MPP4: variants seen among roughly 807,000 people sequenced by gnomAD.
The protein encoded by MPP4 is MAGUK p55 subfamily member 4.
MPP4 carries 91 observed loss-of-function variants against 98.3 expected under a neutral mutation model. The ratio of observed to expected loss-of-function variants is 0.93; its 90% CI spans 0.78 to 1.10. MPP4 has a LOEUF of 1.10. MPP4 is among the 50% of genes least tolerant of loss of function. The probability of loss-of-function intolerance (pLI) is 0.00; values close to 1 mark genes in which losing one functional copy is unlikely to be tolerated. For missense variants in MPP4, 744 were observed against 792.9 expected, an observed-to-expected ratio of 0.94 and a Z score of 0.74; for synonymous variants, 261 against 271.8, an observed-to-expected ratio of 0.96 and a Z score of 0.39.
At chr2:201,669,654 T>G (rs938026363) in intron 12 of MPP4, 79 bp downstream of exon 12, 2 of 1,017,548 alleles carry the variant, frequency 2.0e-6, no homozygotes, top group African/African-American at 3.3e-5. Context: ...TGAACTGAAT[T>G]AAAGTGAATT....
chr2:201,672,010 C>T (rs1407289720), intron 11 of MPP4, among the ~76,000 whole-genome samples: 1 of 152,094 alleles, frequency 6.6e-6, no homozygotes, highest in East Asian at 1.9e-4. Flanking sequence ...GTAAAACATT[C>T]CTCAGCAAAT....
chr2:201,669,117 TGTGTGAGA>T (rs765439598), intron 12 of MPP4, among the ~76,000 whole-genome samples: 16 of 96,154 alleles, frequency 1.7e-4, no homozygotes, highest in East Asian at 3.1e-4. Context: ...TGTGTGTGTG[TGTGTGAGA>T]GAGAGAGAGA....
At chr2:201,676,920 A>C (rs1418514161) in intron 10 of MPP4, among the ~76,000 whole-genome samples, 1 of 152,222 alleles carries the variant, frequency 6.6e-6, no homozygotes, top group Admixed American at 6.5e-5. Flanking sequence ...ACATTTAAAA[A>C]GTAAGGCTTC....
rs369705514 is a variant in MPP4 at position 201,650,127 on chromosome 2, G to A, written c.1420C>T (p.Arg474Cys). 25 of 1,580,446 alleles carry A rather than the reference G, an allele frequency of 1.6e-5. No homozygotes were observed. The highest frequency in any genetic ancestry group is 1.7e-4 in the Middle Eastern group (1 of 6,046). The part of the protein sequence containing the change: ...RTKKSYEMNG[R>C]EYHYVSKETF... ...TCCTTGGACACATAGTGATACTCAC[G>A]CCCATTCATTTCGTAACTCTTTTTA... The change falls in exon 19 of 22, where the codon CGT becomes TGT. Residue 474 changes from arginine to cysteine, a missense_variant. Arg to Cys is a radical substitution (Grantham distance 180). Transcript: ENST00000409474.
At chr2:201,655,833 G>T (rs1687831552) in intron 17 of MPP4, among the ~76,000 whole-genome samples, 1 of 152,144 alleles carries the variant, frequency 6.6e-6, no homozygotes, top group Admixed American at 6.5e-5. Flanking sequence ...TCAGGGAAAT[G>T]GACCTTAAGA....
At chr2:201,651,669 T>C in intron 18 of MPP4, 6 of 985,372 alleles carry the variant, frequency 6.1e-6, no homozygotes, top group African/African-American at 1.7e-5. Flanking sequence ...AAATGGTGAT[T>C]TTGGCCGGGC....
chr2:201,651,552 A>C, intron 18 of MPP4: 1 of 985,426 alleles, frequency 1.0e-6, no homozygotes. Context: ...TTTAAAAAGC[A>C]AAATATGAGC....
chr2:201,678,830 C>T (rs1024613424), intron 10 of MPP4, among the ~76,000 whole-genome samples: 1 of 152,078 alleles, frequency 6.6e-6, no homozygotes, highest in Non-Finnish European at 1.5e-5. Flanking sequence ...TGGTAGCCAT[C>T]GCCAGCTCAC....
chr2:201,693,535 T>C (rs1176282080), intron 2 of MPP4, among the ~76,000 whole-genome samples: 1 of 152,184 alleles, frequency 6.6e-6, no homozygotes, highest in East Asian at 1.9e-4. Flanking sequence ...GATTAAAGGG[T>C]CTCTAAACAG....
At chr2:201,683,193 G>A (rs1206191333) in intron 7 of MPP4, among the ~76,000 whole-genome samples, 2 of 152,150 alleles carry the variant, frequency 1.3e-5, no homozygotes, top group African/African-American at 4.8e-5. Context: ...GAACCAGAAC[G>A]CTGGTAAGAA....
At chr2:201,668,277 C>T (rs537475980) in intron 12 of MPP4, among the ~76,000 whole-genome samples, 61 of 152,142 alleles carry the variant, frequency 4.0e-4, no homozygotes, top group Admixed American at 1.7e-3. Flanking sequence ...AATTGTGTTC[C>T]CCCCAGTATT....
rs1222875367 is a variant in MPP4 at position 201,675,250 on chromosome 2, C to T, written c.951G>A (p.Trp317Ter). 1.2e-6 allele frequency: 2 copies of T among 1,609,530 alleles called. No individual in the cohort carries two copies. Among genetic ancestry groups the T allele is most frequent in the Admixed American group, 1.7e-5 (1 of 59,484 alleles). The change falls in exon 11 of 22, where the codon TGG becomes TGA. Residue 317 changes from tryptophan (W) to a stop codon, truncating the protein, a stop_gained. Coordinates refer to ENST00000409474, the MANE Select transcript of MPP4 (RefSeq NM_033066.3). LOFTEE classifies it high-confidence loss of function. ...LLKRKQREFW[W>*]SQPYQPHTCL... is the part of the protein sequence containing the mutation. ...AGGTGTGAGGCTGGTACGGCTGAGA[C>T]CACCAGAATTCCCGTTGCTTCCTAT... is the stretch of plus-strand genomic sequence containing the variant.
At chr2:201,678,834 A>AGCTCACTCCT (rs1688590091) in intron 10 of MPP4, among the ~76,000 whole-genome samples, 1 of 152,040 alleles carries the variant, frequency 6.6e-6, no homozygotes, top group Non-Finnish European at 1.5e-5. Context: ...AGCCATCGCC[A>AGCTCACTCCT]GCTCACTCCT....
chr2:201,684,774 C>T lies in MPP4; in HGVS notation c.574+290G>A, dbSNP rs531477243. 2.7e-4 allele frequency among the ~76,000 whole-genome samples: 41 copies of T among 151,758 alleles called. No individual in the cohort carries two copies. In the South Asian group the frequency reaches 8.1e-3, roughly 30 times the overall value. The stretch of plus-strand genomic sequence containing the variant: ...GACCATCCTGGCTAACACGGTGAAA[C>T]CCCGTCTCTACTAAAAATACAAAAA... On this transcript the variant is annotated intron_variant, in intron 7 of 21. Transcript: ENST00000409474.
chr2:201,682,979 C>G, intron 7 of MPP4, 63 bp from the exon 8 acceptor site: 2 of 1,253,588 alleles, frequency 1.6e-6, no homozygotes, highest in South Asian at 1.2e-5. Flanking sequence ...ATAGCAGTAG[C>G]TACCTCGATA....
chr2:201,675,287 A>C lies in MPP4; in HGVS notation c.930-16T>G, dbSNP rs765784790. 6.2e-7 allele frequency: 1 copy of C among 1,602,456 alleles called. No homozygotes were observed. Among genetic ancestry groups the C allele is most frequent in the Non-Finnish European group, 8.5e-7 (1 of 1,174,634 alleles). ...CCGTTGCTTCCTATGGGGGGGAAAA[A>C]ACCATGCGACAAAAAACAAACAAAA... is the stretch of plus-strand genomic sequence containing the variant. On this transcript the variant is annotated splice_polypyrimidine_tract_variant and intron_variant, in intron 10 of 21. Coordinates refer to ENST00000409474, the MANE Select transcript of MPP4 (RefSeq NM_033066.3).
chr2:201,682,233 G>A (rs191144014), intron 8 of MPP4, among the ~76,000 whole-genome samples: 176 of 152,314 alleles, frequency 1.2e-3, no homozygotes, highest in Non-Finnish European at 2.2e-3. Context: ...AGTACTTCAA[G>A]CTTCCTTTGC....
At chr2:201,693,374 GT>G (rs1689094027) in intron 2 of MPP4, among the ~76,000 whole-genome samples, 1 of 152,092 alleles carries the variant, frequency 6.6e-6, no homozygotes, top group Non-Finnish European at 1.5e-5. Context: ...CCAGCCTGTC[GT>G]TTATCCCAAA....
chr2:201,651,725 G>A (rs1320940575), intron 18 of MPP4: 18 of 838,788 alleles, frequency 2.1e-5, no homozygotes, highest in African/African-American at 3.7e-5. Flanking sequence ...AGGCCAAGGC[G>A]GGTGGATCAC....
Sources: allele counts gnomAD v4.1 joint callset (sites outside exome capture counted in the v4.1 genomes callset), GRCh38; gene constraint gnomAD v4.1.1; transcripts MANE v1.5; gene names NCBI Gene and HGNC (gene_info 2026-07-23, HGNC 2026-07-21).